The following AGO2 variants were observed in gnomAD, a reference collection of about 807,000 sequenced individuals.
The protein encoded by AGO2 is protein argonaute-2.
A neutral mutation model predicts 102.3 loss-of-function variants in AGO2; 5 were observed. The observed-to-expected ratio is 0.05, with a 90% confidence interval of 0.03 to 0.10. The LOEUF (loss-of-function observed/expected upper bound fraction) is 0.10, where lower values mean the gene tolerates loss of function less well. AGO2 is among the 10% of genes least tolerant of loss of function. AGO2 has a pLI of 1.00. For missense variants in AGO2, 541 were observed against 1,183.7 expected (o/e 0.46, Z 7.97); for synonymous variants, 449 against 473.1 (o/e 0.95, Z 0.66).
intron 1 of AGO2, among the ~76,000 whole-genome samples, chr8:140,602,699 T>C (rs1012901210): frequency 6.6e-6 from 1 of 152,228 alleles, no homozygotes; most frequent in Non-Finnish European, 1.5e-5. Context: ...ATTTAACAAA[T>C]GACAGAAATC....
In AGO2 at chr8:140,521,313, A is replaced by G. The variant is rs1408663788; in HGVS notation, c.*10731T>C. 1 of 152,234 alleles carries G rather than the reference A, an allele frequency of 6.6e-6. No homozygotes were observed. Among genetic ancestry groups the G allele is most frequent in the Non-Finnish European group, 1.5e-5 (1 of 68,036 alleles). The allele number at this position is 152,234 out of a possible 1,614,324, so 9.4% of individuals were successfully genotyped here. ...AACCTGATGGAAGTTAGAAAATTAAAAACATTTAAGTAGAATCATCTCTCT... is the reference window on the plus strand; with the variant it reads ...AACCTGATGGAAGTTAGAAAATTAAGAACATTTAAGTAGAATCATCTCTCT... On this transcript the variant is annotated 3_prime_UTR_variant, in exon 19 of 19. Transcript: ENST00000220592.
At chr8:140,620,712 C>CA (rs903262147) in intron 1 of AGO2, among the ~76,000 whole-genome samples, 2 of 151,834 alleles carry the variant, frequency 1.3e-5, no homozygotes, top group African/African-American at 2.4e-5. Flanking sequence ...ACAAAAAATA[C>CA]AAAAAAATTA....
intron 1 of AGO2, among the ~76,000 whole-genome samples, chr8:140,593,577 T>C (rs922736980): frequency 6.7e-6 from 1 of 149,704 alleles, no homozygotes; most frequent in African/African-American, 2.5e-5. Context: ...AAAAACTTTG[T>C]GCCCTTTTAC....
At chr8:140,565,355 C>G (rs2132953728) in intron 3 of AGO2, among the ~76,000 whole-genome samples, 1 of 148,388 alleles carries the variant, frequency 6.7e-6, no homozygotes, top group Admixed American at 6.8e-5. Context: ...AGGAGAATGG[C>G]ATGAACCTGG....
Position 140,520,580 on chromosome 8 carries a change from T to G in AGO2, c.*11464A>C, listed in dbSNP as rs1197099709. ...TCAGTTTCGGGTGAGTGCTGAGGAA[T>G]AGAGAAATGTGAAGACGGGCTCTCT... On this transcript the variant is annotated 3_prime_UTR_variant, in exon 19 of 19. Coordinates refer to ENST00000220592, the MANE Select transcript of AGO2 (RefSeq NM_012154.5). The G allele has an allele frequency of 1.3e-5, 2 of 152,132 alleles. No individual in the cohort carries two copies. The highest frequency in any genetic ancestry group is 4.2e-4 in the South Asian group (2 of 4,818). 9.4% of individuals were successfully genotyped at this position (152,132 alleles called of 1,614,324 possible). A position where few individuals can be genotyped will look rare whatever the true frequency, so the allele number is the denominator to read the frequency against.
chr8:140,539,218 G>A lies in AGO2; in HGVS notation c.2169+102C>T. 1 of 1,478,768 alleles carries A rather than the reference G, an allele frequency of 6.8e-7. No homozygotes were observed. Among genetic ancestry groups the A allele is most frequent in the Middle Eastern group, 2.1e-4 (1 of 4,802 alleles). The allele number at this position is 1,478,768 out of a possible 1,614,324, so 91.6% of individuals were successfully genotyped here. A position where few individuals can be genotyped will look rare whatever the true frequency, so the allele number is the denominator to read the frequency against. On this transcript the variant is annotated intron_variant, in intron 16 of 18. Transcript: ENST00000220592. This position sits in a 1 kb window ranked among gnomAD's most constrained non-coding sequence, Gnocchi z 4.7. ...GAGGACAGAGTCACCCTAGAGCCTG[G>A]GACAGCGGCACTGTGGCCAGCAGGT...
At chr8:140,590,538 C>T (rs559055641) in intron 1 of AGO2, among the ~76,000 whole-genome samples, 8 of 152,306 alleles carry the variant, frequency 5.3e-5, no homozygotes, top group African/African-American at 1.7e-4. Flanking sequence ...AAACAGACGC[C>T]GAGGAAGCGG....
At chr8:140,564,738 T>C (rs2073252973) in intron 3 of AGO2, among the ~76,000 whole-genome samples, 1 of 144,050 alleles carries the variant, frequency 6.9e-6, no homozygotes, top group Non-Finnish European at 1.5e-5. Context: ...AGGTCAGGAG[T>C]TCAAGACCAG....
intron 2 of AGO2, among the ~76,000 whole-genome samples, chr8:140,575,164 G>GC (rs2073444414): frequency 6.6e-6 from 1 of 152,158 alleles, no homozygotes; most frequent in Admixed American, 6.5e-5. Flanking sequence ...GCAGGGAACA[G>GC]CCCCGAAGGC....
chr8:140,527,880 T>C lies in AGO2; in HGVS notation c.*4164A>G, dbSNP rs1041772167. 1 of 152,160 alleles carries C rather than the reference T, an allele frequency of 6.6e-6. No homozygotes were observed. The highest frequency in any genetic ancestry group is 2.4e-5 in the African/African-American group (1 of 41,436). 9.4% of individuals were successfully genotyped at this position (152,160 alleles called of 1,614,324 possible). On this transcript the variant is annotated 3_prime_UTR_variant, in exon 19 of 19. Coordinates refer to ENST00000220592, the MANE Select transcript of AGO2 (RefSeq NM_012154.5). This position sits in a 1 kb window ranked among gnomAD's most constrained non-coding sequence, Gnocchi z 6.0. ...TGCCTTATGTGTAGGAAAATGCCCATGAAAAATCCTTTTAACTGTCCAGCG... is the reference window on the plus strand; with the variant it reads ...TGCCTTATGTGTAGGAAAATGCCCACGAAAAATCCTTTTAACTGTCCAGCG...
chr8:140,556,113 C>T, intron 9 of AGO2, 54 bp downstream of exon 9: 2 of 1,611,236 alleles, frequency 1.2e-6, no homozygotes, highest in East Asian at 4.5e-5. Flanking sequence ...GTTTCTGTGC[C>T]AGGGCAACCG....
At chr8:140,585,366 C>T (rs1564101160) in intron 1 of AGO2, 55 bp from the exon 2 acceptor site, 19 of 1,567,062 alleles carry the variant, frequency 1.2e-5, no homozygotes, top group Non-Finnish European at 1.6e-5. Context: ...CTCTGCGGCC[C>T]TTCCCATCCC....
At chr8:140,586,450 C>A (rs1303706657) in intron 1 of AGO2, among the ~76,000 whole-genome samples, 1 of 152,218 alleles carries the variant, frequency 6.6e-6, no homozygotes, top group East Asian at 1.9e-4. Flanking sequence ...CATGCCACTG[C>A]ACTCCAGCCT....
intron 1 of AGO2, among the ~76,000 whole-genome samples, chr8:140,619,602 C>T (rs2074189442): frequency 6.6e-6 from 1 of 152,194 alleles, no homozygotes; most frequent in African/African-American, 2.4e-5. Context: ...TACCCCCAGG[C>T]AACTCTGGAA....
upstream of AGO2, among the ~76,000 whole-genome samples, chr8:140,640,013 T>A (rs540421887): frequency 7.8e-4 from 119 of 152,204 alleles, no homozygotes; most frequent in African/African-American, 2.6e-3. Context: ...CATTTTTTTT[T>A]AATTTTTAAT....
intron 1 of AGO2, among the ~76,000 whole-genome samples, chr8:140,587,345 C>G (rs555594522): frequency 6.6e-6 from 1 of 152,220 alleles, no homozygotes; most frequent in Non-Finnish European, 1.5e-5. Context: ...CGTGAAGGCA[C>G]GTGGAATATA....
intron 1 of AGO2, among the ~76,000 whole-genome samples, chr8:140,586,265 G>A (rs1420124297): frequency 6.6e-6 from 1 of 152,226 alleles, no homozygotes; most frequent in African/African-American, 2.4e-5. Context: ...GGCTGAGGCG[G>A]GTAGATTACC....
intron 1 of AGO2, among the ~76,000 whole-genome samples, chr8:140,630,622 G>C (rs897011251): frequency 1.3e-5 from 2 of 152,200 alleles, no homozygotes; most frequent in Non-Finnish European, 2.9e-5. Context: ...GGCCACAAAC[G>C]ATAAGGGCAG....
intron 13 of AGO2, 128 bp from the exon 14 acceptor site, chr8:140,544,431 C>T (rs1383435573): frequency 2.6e-6 from 2 of 756,528 alleles, no homozygotes; most frequent in East Asian, 6.2e-5. Context: ...GAATCCTTAT[C>T]TTTTAACCGG....
Sources: gnomAD v4.1 joint callset for allele counts (sites outside exome capture counted in the v4.1 genomes callset) on GRCh38, gnomAD v4.1.1 for gene constraint, Gnocchi (gnomAD v3.1) non-coding constraint, MANE v1.5 for transcripts, NCBI Gene and HGNC (gene_info 2026-07-23, HGNC 2026-07-21) for gene names.